The following ROBO2 variants were observed in gnomAD, a reference collection of about 807,000 sequenced individuals.
ROBO2 encodes the protein roundabout guidance receptor 2.
In ROBO2, 53 loss-of-function variants were observed where a neutral mutation model predicts 160.8. That is an observed-to-expected ratio of 0.33 (90% CI 0.26 to 0.41). The LOEUF is 0.41. ROBO2 is among the 10% of genes least tolerant of loss of function. The pLI, the probability that ROBO2 is intolerant of heterozygous loss-of-function variation, is 1.00. For synonymous variants in ROBO2, 664 were observed against 611.7 expected, an observed-to-expected ratio of 1.09 and a Z score of -1.26; for missense variants, 1,577 against 1,722.4, an observed-to-expected ratio of 0.92 and a Z score of 1.49.
At chr3:76,069,620 CACT>C (rs2107948069) in intron 2 of ROBO2, among the ~76,000 whole-genome samples, 1 of 89,668 alleles carries the variant, frequency 1.1e-5, no homozygotes, top group African/African-American at 5.6e-5. Context: ...AAAATACCTA[CACT>C]TTTTTTTTAA....
At position 77,622,437 on chromosome 3, in the gene ROBO2, C is replaced by G. The variant is rs969504690; in HGVS notation, c.3760+5C>G. On this transcript the variant is annotated splice_donor_5th_base_variant and intron_variant, in intron 23 of 25. Coordinates refer to ENST00000461745, the Ensembl canonical transcript of ROBO2. The stretch of plus-strand genomic sequence containing the variant: ...ATCTAGACAGCTCTGTGACAGGTAA[C>G]GGAACCAATTTAATAGGAAAAACTG... The G allele has an allele frequency of 1.2e-6, 2 of 1,613,548 alleles. No individual in the cohort carries two copies. The highest frequency in any genetic ancestry group is 3.3e-5 in the Admixed American group (2 of 59,958).
chr3:77,577,652 G>T (rs1342556818), intron 15 of ROBO2, 38 bp downstream of exon 16: 3 of 1,611,540 alleles, frequency 1.9e-6, no homozygotes, highest in Non-Finnish European at 2.5e-6. Context: ...CTCATGTAAA[G>T]GTTCCCAGAG....
chr3:76,148,608 C>T (rs933085770), intron 2 of ROBO2, among the ~76,000 whole-genome samples: 2 of 152,084 alleles, frequency 1.3e-5, no homozygotes, highest in Admixed American at 6.6e-5. Flanking sequence ...CCTCTTCAGT[C>T]ATTAAGAACC....
chr3:77,363,466 T>A (rs1355915448), intron 2 of ROBO2, among the ~76,000 whole-genome samples: 3 of 152,178 alleles, frequency 2.0e-5, no homozygotes, highest in South Asian at 4.1e-4. Context: ...CTGTTGCAAG[T>A]TAATAACAGA....
chr3:77,427,848 G>A (rs190581675), intron 2 of ROBO2, among the ~76,000 whole-genome samples: 2 of 152,124 alleles, frequency 1.3e-5, no homozygotes, highest in African/African-American at 4.8e-5. Context: ...TAAAGATATG[G>A]TTAATAGGGA....
intron 2 of ROBO2, among the ~76,000 whole-genome samples, chr3:77,353,266 T>A (rs549834781): frequency 6.6e-6 from 1 of 152,226 alleles, no homozygotes; most frequent in Admixed American, 6.5e-5. Context: ...ACATTTGGGG[T>A]GCTGTCAATA....
At chr3:76,329,083 A>G (rs2073274320) in intron 2 of ROBO2, among the ~76,000 whole-genome samples, 1 of 151,888 alleles carries the variant, frequency 6.6e-6, no homozygotes, top group African/African-American at 2.4e-5. Flanking sequence ...GAGTCGGTGG[A>G]CAAGCTGCAC....
In ROBO2 at chr3:77,493,238, T is replaced by C. The variant is rs762283942; in HGVS notation, c.668-6T>C. The C allele has an allele frequency of 2.3e-5, 37 of 1,613,734 alleles. No individual in the cohort carries two copies. Among genetic ancestry groups the C allele is most frequent in the Non-Finnish European group, 3.0e-5 (35 of 1,179,834 alleles). On this transcript the variant is annotated splice_polypyrimidine_tract_variant and splice_region_variant and intron_variant, in intron 4 of 25. Coordinates refer to ENST00000461745, the Ensembl canonical transcript of ROBO2. ...ATTTTACCATTGTTTCATTTTTTTT[T>C]TCAAGAACGACCCACATTTCTCAGG...
chr3:76,857,096 G>C (rs2070192166), intron 2 of ROBO2, among the ~76,000 whole-genome samples: 1 of 151,802 alleles, frequency 6.6e-6, no homozygotes, highest in African/African-American at 2.4e-5. Context: ...AGCGATTCTC[G>C]TGCCTCAGCC....
intron 2 of ROBO2, among the ~76,000 whole-genome samples, chr3:76,964,695 T>C (rs575608005): frequency 2.4e-4 from 36 of 152,320 alleles, no homozygotes; most frequent in Non-Finnish European, 4.7e-4. Flanking sequence ...GGTCATTCCA[T>C]CTCTTCGATT....
chr3:76,693,287 GTATC>G (rs1243940032), intron 2 of ROBO2, among the ~76,000 whole-genome samples: 1 of 149,234 alleles, frequency 6.7e-6, no homozygotes, highest in Non-Finnish European at 1.5e-5. Flanking sequence ...TATATAGTGT[GTATC>G]TATATGTAGT....
In ROBO2 at chr3:76,611,569, A is replaced by G. The variant is rs180889329; in HGVS notation, c.110-486445A>G. Among the ~76,000 whole-genome samples, 636 of 152,250 alleles carry G rather than the reference A, an allele frequency of 4.2e-3. 4 individuals carry two copies. Among genetic ancestry groups the G allele is most frequent in the Non-Finnish European group, 4.9e-3 (334 of 68,036 alleles). The stretch of plus-strand genomic sequence containing the variant: ...GATTTATTGGCATACCGCTGCTCAT[A>G]GTAGCCTCTAAGGATCCTTTGAATT... On this transcript the variant is annotated intron_variant, in intron 2 of 26. Coordinates refer to the ROBO2 transcript ENST00000487694.
chr3:77,304,350 G>T (rs1460557516), intron 2 of ROBO2, among the ~76,000 whole-genome samples: 1 of 152,206 alleles, frequency 6.6e-6, no homozygotes, highest in Non-Finnish European at 1.5e-5. Context: ...TTGCCTGAAG[G>T]CACGGTGCTG....
chr3:76,203,382 C>A (rs1438014850), intron 2 of ROBO2, among the ~76,000 whole-genome samples: 1 of 152,024 alleles, frequency 6.6e-6, no homozygotes, highest in African/African-American at 2.4e-5. Context: ...GGTCAGGGTT[C>A]TAGTAACCTG....
intron 2 of ROBO2, among the ~76,000 whole-genome samples, chr3:76,429,307 G>A (rs1386254207): frequency 2.0e-5 from 3 of 152,062 alleles, no homozygotes; most frequent in Non-Finnish European, 4.4e-5. Flanking sequence ...ATTCTTATGT[G>A]GGTAAAAAGC....
intron 2 of ROBO2, among the ~76,000 whole-genome samples, chr3:77,369,260 G>A (rs934005483): frequency 6.6e-6 from 1 of 152,050 alleles, no homozygotes; most frequent in Non-Finnish European, 1.5e-5. Flanking sequence ...AGGTGCCTTG[G>A]GGGCAAAATT....
intron 2 of ROBO2, among the ~76,000 whole-genome samples, chr3:76,315,269 A>T (rs2071918497): frequency 6.6e-6 from 1 of 152,236 alleles, no homozygotes; most frequent in Admixed American, 6.5e-5. Context: ...ACGAAGTATG[A>T]AGTGATCAAA....
intron 2 of ROBO2, among the ~76,000 whole-genome samples, chr3:76,819,554 G>A (rs2065944541): frequency 6.6e-6 from 1 of 152,030 alleles, no homozygotes; most frequent in Non-Finnish European, 1.5e-5. Flanking sequence ...ACTTAAGGAA[G>A]GAAATAGCAT....
At chr3:76,935,195 C>T (rs2077618635) in intron 2 of ROBO2, among the ~76,000 whole-genome samples, 1 of 152,136 alleles carries the variant, frequency 6.6e-6, no homozygotes, top group Non-Finnish European at 1.5e-5. Flanking sequence ...ACAAACTATC[C>T]ACCCACCTCT....
Sources: gnomAD v4.1 joint callset for allele counts (sites outside exome capture counted in the v4.1 genomes callset) on GRCh38, gnomAD v4.1.1 for gene constraint, MANE v1.5 for transcripts, NCBI Gene and HGNC (gene_info 2026-07-23, HGNC 2026-07-21) for gene names.